The following CNTRL variants were observed in gnomAD, a reference collection of about 807,000 sequenced individuals.
The protein encoded by CNTRL is 110 kDa centrosomal protein.
A neutral mutation model predicts 303.7 loss-of-function variants in CNTRL; 233 were observed. That is an observed-to-expected ratio of 0.77 (90% CI 0.69 to 0.86). CNTRL has a LOEUF of 0.86. Among genes scored for constraint, CNTRL ranks in the 40% least tolerant of loss-of-function variants. CNTRL has a pLI of 0.00. For missense variants in CNTRL, 2,524 were observed against 2,650.6 expected (o/e 0.95, Z 1.05); for synonymous variants, 900 against 922.2 (o/e 0.98, Z 0.44).
chr9:121,098,597 A>C, intron 7 of CNTRL, 25 bp downstream of exon 7: 2 of 1,459,326 alleles, frequency 1.4e-6, no homozygotes, highest in Non-Finnish European at 1.9e-6. Flanking sequence ...AAAAAATAAT[A>C]AATTTGGGTG....
chr9:121,090,336 A>C lies in CNTRL; in HGVS notation c.279A>C (p.Lys93Asn). 1 of 1,612,820 alleles carries C rather than the reference A, an allele frequency of 6.2e-7. No homozygotes were observed. The highest frequency in any genetic ancestry group is 8.5e-7 in the Non-Finnish European group (1 of 1,179,334). The change falls in exon 4 of 44, where the codon AAA (lysine) becomes AAC (asparagine). Residue 93 changes from lysine (K) to asparagine (N), a missense_variant. By Grantham distance (94) the Lys-to-Asn change is moderately conservative (BLOSUM62 0). Transcript: ENST00000373855. ...ITEALIKKLT[K>N]QDNLALIKSL... The stretch of plus-strand genomic sequence containing the variant: ...AGGCCCTCATTAAAAAACTTACTAA[A>C]CAGGATAATTTGGCTTTGATAAAAT...
At chr9:121,169,164 T>C (rs931754439) in intron 38 of CNTRL, among the ~76,000 whole-genome samples, 3 of 152,366 alleles carry the variant, frequency 2.0e-5, no homozygotes, top group Admixed American at 6.5e-5. Flanking sequence ...TTTCCTCTTC[T>C]ATAAAATGGG....
intron 16 of CNTRL, among the ~76,000 whole-genome samples, 196 bp from the exon 17 acceptor site, chr9:121,140,445 A>T (rs1444988011): frequency 6.6e-6 from 1 of 152,246 alleles, no homozygotes; most frequent in Non-Finnish European, 1.5e-5. Flanking sequence ...ATTGCATTCT[A>T]AATTCTTCAT....
chr9:121,173,181 G>T (rs1018470349), intron 40 of CNTRL, 62 bp from the exon 41 acceptor site: 113 of 1,428,942 alleles, frequency 7.9e-5, no homozygotes, highest in East Asian at 1.2e-4. Context: ...ACATCATACA[G>T]CTCAATTCCA....
chr9:121,124,833 G>T (rs928139472), intron 13 of CNTRL, among the ~76,000 whole-genome samples: 1 of 151,208 alleles, frequency 6.6e-6, no homozygotes, highest in African/African-American at 2.4e-5. Context: ...GGCACCATCT[G>T]CTTGGGAGAC....
intron 42 of CNTRL, among the ~76,000 whole-genome samples, chr9:121,174,751 G>A (rs1391074946): frequency 6.6e-6 from 1 of 152,150 alleles, no homozygotes; most frequent in African/African-American, 2.4e-5. Context: ...TAATGGAGAA[G>A]CAAGGGATAC....
intron 10 of CNTRL, 35 bp downstream of exon 10, chr9:121,113,759 A>T (rs755692655): frequency 1.5e-5 from 20 of 1,366,164 alleles, no homozygotes; most frequent in African/African-American, 1.0e-4. Context: ...TTTAAAAAAA[A>T]ATATGAAAAC....
chr9:121,117,680 G>A (rs1367646032), intron 11 of CNTRL, among the ~76,000 whole-genome samples: 1 of 152,072 alleles, frequency 6.6e-6, no homozygotes, highest in African/African-American at 2.4e-5. Flanking sequence ...TTGAGGATTA[G>A]ATTAAAGGAT....
Position 121,177,509 on chromosome 9 carries a change from C to T in CNTRL, c.*323C>T, listed in dbSNP as rs2053574859. On this transcript the variant is annotated 3_prime_UTR_variant, in exon 44 of 44. Transcript: ENST00000373855. Reference sequence around the variant, plus strand: ...CCTACAAACTGGTAAATCTTATTAACAAAAAGAATGTACTTAAGGCCCTCT... The same window carrying T: ...CCTACAAACTGGTAAATCTTATTAATAAAAAGAATGTACTTAAGGCCCTCT... 3.4e-6 allele frequency: 1 copy of T among 291,732 alleles called. No individual in the cohort carries two copies. The highest frequency in any genetic ancestry group is 1.3e-4 in the South Asian group (1 of 7,636). The allele number at this position is 291,732 out of a possible 1,614,324, so 18.1% of individuals were successfully genotyped here.
At chr9:121,133,370 C>T (rs2050986986) in intron 14 of CNTRL, among the ~76,000 whole-genome samples, 1 of 152,268 alleles carries the variant, frequency 6.6e-6, no homozygotes, top group African/African-American at 2.4e-5. Context: ...CTCCCCCTGC[C>T]AGGCTGCTGC....
intron 7 of CNTRL, among the ~76,000 whole-genome samples, chr9:121,105,439 A>G (rs989827933): frequency 2.6e-5 from 4 of 152,232 alleles, no homozygotes; most frequent in Admixed American, 2.0e-4. Flanking sequence ...TGTCTGTGAG[A>G]CAACTAAGTG....
chr9:121,140,643 T>G lies in CNTRL; in HGVS notation c.2340T>G (p.Asp780Glu). The change falls in exon 17 of 44, where the codon GAT becomes GAG. Residue 780 changes from aspartate (D) to glutamate (E), a missense_variant and splice_region_variant. Physicochemically the swap from Asp to Glu is conservative, Grantham distance 45. Transcript: ENST00000373855. Reference sequence around the variant, plus strand: ...CCCTATTTCATCCCCCTCCATAGGATGACAATAATCTGTTAAAACAGCAAC... The same window carrying G: ...CCCTATTTCATCCCCCTCCATAGGAGGACAATAATCTGTTAAAACAGCAAC... The part of the protein sequence containing the change: ...ELHAKLKHLQ[D>E]DNNLLKQQLK... 1 of 1,606,188 alleles carries G rather than the reference T, an allele frequency of 6.2e-7. No homozygotes were observed. The highest frequency in any genetic ancestry group is 8.5e-7 in the Non-Finnish European group (1 of 1,175,290).
chr9:121,082,603 C>CA (rs2048182316), intron 2 of CNTRL, among the ~76,000 whole-genome samples: 2 of 152,332 alleles, frequency 1.3e-5, no homozygotes, highest in South Asian at 4.1e-4. Context: ...TCCTAGACTA[C>CA]AAACCTGTAC....
At chr9:121,135,772 G>A (rs751107351) in intron 14 of CNTRL, 34 bp from the exon 15 acceptor site, 3 of 1,572,442 alleles carry the variant, frequency 1.9e-6, no homozygotes, top group Admixed American at 3.6e-5. Context: ...AGCACAGTGA[G>A]GGTTCCATAG....
intron 38 of CNTRL, among the ~76,000 whole-genome samples, 200 bp downstream of exon 38, chr9:121,168,521 A>C (rs1187038922): frequency 6.6e-6 from 1 of 152,222 alleles, no homozygotes; most frequent in Non-Finnish European, 1.5e-5. Context: ...CTGACCAGCA[A>C]GTCCTTCCTT....
intron 39 of CNTRL, among the ~76,000 whole-genome samples, chr9:121,170,875 GAAAT>G (rs1033759458): frequency 6.6e-6 from 1 of 152,122 alleles, no homozygotes; most frequent in Non-Finnish European, 1.5e-5. Context: ...TTTCATCCTT[GAAAT>G]AAATTTGGGA....
chr9:121,173,032 A>G (rs914534235), intron 40 of CNTRL, among the ~76,000 whole-genome samples: 4 of 152,214 alleles, frequency 2.6e-5, no homozygotes, highest in African/African-American at 9.6e-5. Context: ...GCTTTTCTAA[A>G]TGAAAGTTGT....
rs1163554136 is a variant in CNTRL at position 121,158,091 on chromosome 9, G to A, written c.4746G>A (p.Leu1582=). The A allele has an allele frequency of 6.2e-7, 1 of 1,613,972 alleles. No individual in the cohort carries two copies. Among genetic ancestry groups the A allele is most frequent in the East Asian group, 2.2e-5 (1 of 44,870 alleles). The change falls in exon 30 of 44, where the codon CTG becomes CTA. Residue 1582 remains leucine, a synonymous_variant. Coordinates refer to ENST00000373855, the MANE Select transcript of CNTRL (RefSeq NM_007018.6). ...EVLLQAKRAE[L]EKLKSQVTSQ... is the part of the protein sequence containing the mutation. ...TTCTTCAGGCCAAAAGAGCCGAGCT[G>A]GAAAAGCTGAAAAGCCAGGTATGGC... is the stretch of plus-strand genomic sequence containing the variant.
At chr9:121,118,229 C>A in intron 11 of CNTRL, 117 bp from the exon 12 acceptor site, 1 of 819,900 alleles carries the variant, frequency 1.2e-6, no homozygotes, top group Non-Finnish European at 1.7e-6. Flanking sequence ...CCACATTTCA[C>A]TTTTATTTTT....
Sources: allele counts gnomAD v4.1 joint callset (sites outside exome capture counted in the v4.1 genomes callset), GRCh38; gene constraint gnomAD v4.1.1; transcripts MANE v1.5; gene names NCBI Gene and HGNC (gene_info 2026-07-23, HGNC 2026-07-21).